The following PCSK2 variants were observed in gnomAD, a reference collection of about 807,000 sequenced individuals.
The protein encoded by PCSK2 is neuroendocrine convertase 2.
PCSK2 carries 14 observed loss-of-function variants against 69.7 expected under a neutral mutation model. The ratio of observed to expected loss-of-function variants is 0.20; its 90% CI spans 0.13 to 0.31. The LOEUF (loss-of-function observed/expected upper bound fraction) is 0.31. PCSK2 is among the 10% of genes least tolerant of loss of function. PCSK2 has a pLI of 1.00. For synonymous variants in PCSK2, 307 were observed against 320.7 expected, an observed-to-expected ratio of 0.96 and a Z score of 0.46; for missense variants, 544 against 842.5, an observed-to-expected ratio of 0.65 and a Z score of 4.39.
intron 2 of PCSK2, among the ~76,000 whole-genome samples, chr20:17,298,278 C>T (rs145071286): frequency 1.2e-3 from 181 of 152,280 alleles, no homozygotes; most frequent in African/African-American, 4.2e-3. Context: ...TTGCTTTCAG[C>T]CACCCTCCTC....
chr20:17,371,498 A>G (rs1210193232), intron 5 of PCSK2, among the ~76,000 whole-genome samples: 2 of 152,178 alleles, frequency 1.3e-5, no homozygotes, highest in Non-Finnish European at 2.9e-5. Flanking sequence ...GTGAGTCTCA[A>G]GTTCTTTTTT....
rs1164266992 is a variant in PCSK2, at chr20:17,480,184, CTTTT to C, written c.1431-1380_1431-1377del. ...ATTAATTTACCCATTTTCAGCTTTT[CTTTT>C]TTTTTTTTTTTTTTTTTTTGAGGCA... On this transcript the variant is annotated intron_variant, in intron 11 of 11. Transcript: ENST00000262545. Among the ~76,000 whole-genome samples, 11 of 76,982 alleles carry C rather than the reference CTTTT, an allele frequency of 1.4e-4. No individual in the cohort carries two copies. In the East Asian group the frequency reaches 3.1e-3, roughly 22 times the overall value. 50.5% of individuals were successfully genotyped at this position (76,982 alleles called of 152,430 possible). A position where few individuals can be genotyped will look rare whatever the true frequency, so the allele number is the denominator to read the frequency against.
intron 6 of PCSK2, among the ~76,000 whole-genome samples, chr20:17,412,873 T>C (rs1029707352): frequency 2.0e-5 from 3 of 152,186 alleles, no homozygotes; most frequent in Non-Finnish European, 2.9e-5. Flanking sequence ...TGGGGACCAA[T>C]ATTCAACATT....
chr20:17,424,900 T>A (rs1253351748), intron 6 of PCSK2, among the ~76,000 whole-genome samples: 1 of 152,164 alleles, frequency 6.6e-6, no homozygotes, highest in African/African-American at 2.4e-5. Context: ...TTCTCATGTC[T>A]CAGCCTCCCG....
At chr20:17,314,245 C>A (rs1386653978) in intron 2 of PCSK2, among the ~76,000 whole-genome samples, 1 of 152,154 alleles carries the variant, frequency 6.6e-6, no homozygotes, top group East Asian at 1.9e-4. Flanking sequence ...GATTTCCTCT[C>A]TAGGTAGTTT....
intron 2 of PCSK2, among the ~76,000 whole-genome samples, chr20:17,341,446 TA>T (rs1463949548): frequency 2.6e-5 from 4 of 152,310 alleles, no homozygotes; most frequent in Admixed American, 2.6e-4. Context: ...CTCCTTTCCA[TA>T]AGCTGTGTAT....
intron 2 of PCSK2, among the ~76,000 whole-genome samples, chr20:17,317,560 T>C (rs1989727325): frequency 6.6e-6 from 1 of 152,306 alleles, no homozygotes; most frequent in Non-Finnish European, 1.5e-5. Flanking sequence ...ATTAGACGTG[T>C]TTTTCTTTTA....
At chr20:17,424,948 C>T (rs753752013) in intron 6 of PCSK2, among the ~76,000 whole-genome samples, 2 of 151,920 alleles carry the variant, frequency 1.3e-5, no homozygotes, top group Non-Finnish European at 2.9e-5. Context: ...CCATACCTGG[C>T]TAATTTTTTT....
rs2032857445 is a variant in PCSK2, at chr20:17,453,123, A to G, written c.886-619A>G. On this transcript the variant is annotated intron_variant, in intron 8 of 11. Transcript: ENST00000262545. This position sits in a 1 kb window ranked among gnomAD's most constrained non-coding sequence, Gnocchi z 4.0. Reference sequence around the variant, plus strand: ...TATCCAATTGAATAAAAAAGAATATATACATATGCACACACACGTAAGATT... The same window carrying G: ...TATCCAATTGAATAAAAAAGAATATGTACATATGCACACACACGTAAGATT... 6.6e-6 allele frequency among the ~76,000 whole-genome samples: 1 copy of G among 152,210 alleles called. No homozygotes were observed. Among genetic ancestry groups the G allele is most frequent in the African/African-American group, 2.4e-5 (1 of 41,458 alleles).
At chr20:17,481,388 C>CAAAAAAAA (rs3076146) in intron 11 of PCSK2, among the ~76,000 whole-genome samples, 196 bp from the exon 12 acceptor site, 16 of 65,678 alleles carry the variant, frequency 2.4e-4, no homozygotes, top group East Asian at 5.5e-4. Context: ...TCTCAAAAGA[C>CAAAAAAAA]AAAAAAAAAA....
intron 8 of PCSK2, among the ~76,000 whole-genome samples, chr20:17,438,754 C>T (rs2123355167): frequency 6.6e-6 from 1 of 152,356 alleles, no homozygotes; most frequent in African/African-American, 2.4e-5. Flanking sequence ...GCCCCCCACA[C>T]CCAGGGCACA....
chr20:17,257,812 C>T (rs978301837), intron 1 of PCSK2, among the ~76,000 whole-genome samples: 1 of 152,166 alleles, frequency 6.6e-6, no homozygotes, highest in African/African-American at 2.4e-5. Context: ...TACAGCTCTG[C>T]CCATGTGTAT....
chr20:17,368,718 G>A (rs2123229173), intron 4 of PCSK2, among the ~76,000 whole-genome samples: 1 of 152,228 alleles, frequency 6.6e-6, no homozygotes, highest in South Asian at 2.1e-4. Context: ...CAGGCTTCCT[G>A]GAAAGCCACA....
Position 17,227,071 on chromosome 20 carries a change from C to A in PCSK2, c.-235C>A. 1.9e-6 allele frequency: 1 copy of A among 539,888 alleles called. No homozygotes were observed. Among genetic ancestry groups the A allele is most frequent in the Non-Finnish European group, 3.3e-6 (1 of 305,100 alleles). The allele number at this position is 539,888 out of a possible 1,614,324, so 33.4% of individuals were successfully genotyped here. ...TCTCTCCGGTACACACAGCTCCCCA[C>A]ATTCGCACCCCTGCCCGCGCGCCGG... On this transcript the variant is annotated 5_prime_UTR_variant, in exon 1 of 12. Coordinates refer to ENST00000262545, the MANE Select transcript of PCSK2 (RefSeq NM_002594.5).
intron 7 of PCSK2, among the ~76,000 whole-genome samples, chr20:17,430,795 G>A (rs2032348114): frequency 6.6e-6 from 1 of 152,178 alleles, no homozygotes; most frequent in Non-Finnish European, 1.5e-5. Context: ...GGACAGAACT[G>A]GAAGCAACTG....
intron 3 of PCSK2, among the ~76,000 whole-genome samples, chr20:17,360,208 G>T (rs1600520504): frequency 1.3e-5 from 2 of 152,270 alleles, no homozygotes; most frequent in East Asian, 3.9e-4. Context: ...CTAAATCAGG[G>T]AGGGTTTCCT....
chr20:17,316,376 T>C (rs1989690351), intron 2 of PCSK2, among the ~76,000 whole-genome samples: 2 of 152,250 alleles, frequency 1.3e-5, no homozygotes, highest in African/African-American at 4.8e-5. Flanking sequence ...TGAATATATG[T>C]ATCAGGCTCT....
chr20:17,425,875 A>C (rs546355096), intron 6 of PCSK2, among the ~76,000 whole-genome samples: 1 of 152,274 alleles, frequency 6.6e-6, no homozygotes, highest in South Asian at 2.1e-4. Context: ...AACAAATAGC[A>C]TTTACCCATC....
chr20:17,360,217 C>G (rs58605332), intron 3 of PCSK2, among the ~76,000 whole-genome samples: 2 of 152,004 alleles, frequency 1.3e-5, no homozygotes, highest in Admixed American at 1.3e-4. Context: ...GGAGGGTTTC[C>G]TGCAATAGCA....
Sources: allele counts gnomAD v4.1 joint callset (sites outside exome capture counted in the v4.1 genomes callset), GRCh38; gene constraint gnomAD v4.1.1; non-coding constraint Gnocchi (gnomAD v3.1); transcripts MANE v1.5; gene names NCBI Gene and HGNC (gene_info 2026-07-23, HGNC 2026-07-21).